The following FAF1 variants were observed in gnomAD, a reference collection of about 807,000 sequenced individuals.
FAF1 encodes the protein FAS-associated factor 1.
FAF1 carries 25 observed loss-of-function variants against 92.5 expected under a neutral mutation model. The ratio of observed to expected loss-of-function variants is 0.27; its 90% confidence interval spans 0.20 to 0.38. The LOEUF is 0.38. Among genes scored for constraint, FAF1 ranks in the 10% least tolerant of loss-of-function variants. The pLI is 1.00. For synonymous variants in FAF1, 234 were observed against 273.2 expected (o/e 0.86, Z 1.42); for missense variants, 636 against 793.3 (o/e 0.80, Z 2.38).
intron 1 of FAF1, among the ~76,000 whole-genome samples, chr1:50,908,429 T>C (rs578163856): frequency 2.5e-4 from 38 of 152,204 alleles, no homozygotes; most frequent in Non-Finnish European, 4.3e-4. Context: ...GATATTCTTG[T>C]TAACTTTCTG....
chr1:50,645,528 T>G (rs1654537822), intron 8 of FAF1, among the ~76,000 whole-genome samples: 1 of 152,136 alleles, frequency 6.6e-6, no homozygotes, highest in Non-Finnish European at 1.5e-5. Flanking sequence ...CACAGTACAT[T>G]AAGAAATCAA....
chr1:50,949,756 A>G (rs983287066), intron 1 of FAF1, among the ~76,000 whole-genome samples: 1 of 152,160 alleles, frequency 6.6e-6, no homozygotes, highest in Non-Finnish European at 1.5e-5. Flanking sequence ...CTGAATTACA[A>G]TTGATTGTCC....
In FAF1 at chr1:50,826,878, G is replaced by A. The variant is rs573706629; in HGVS notation, c.115-25201C>T. Among the ~76,000 whole-genome samples the A allele has an allele frequency of 1.5e-4, 23 of 152,120 alleles. No individual in the cohort carries two copies. In the South Asian group the frequency reaches 2.1e-3, roughly 14 times the overall value. On this transcript the variant is annotated intron_variant, in intron 2 of 18. Coordinates refer to ENST00000396153, the MANE Select transcript of FAF1 (RefSeq NM_007051.3). ...TTCTCACAAAAAAATTCCAGACACC[G>A]TCTGGGAAGTGAGGAGCGCCTCTGC...
At chr1:50,687,806 C>G (rs1312957304) in intron 7 of FAF1, among the ~76,000 whole-genome samples, 1 of 151,590 alleles carries the variant, frequency 6.6e-6, no homozygotes, top group South Asian at 2.1e-4. Flanking sequence ...AAGCCAGAAC[C>G]ACGATCAGAT....
chr1:50,787,495 G>A (rs748859727), intron 4 of FAF1, among the ~76,000 whole-genome samples: 6 of 152,166 alleles, frequency 3.9e-5, no homozygotes, highest in Non-Finnish European at 7.3e-5. Flanking sequence ...CAGCATCAAC[G>A]TGCCATATTG....
rs376551626 is a variant in FAF1, at chr1:50,442,244, C to T, written c.1870-721G>A. 9.2e-5 allele frequency among the ~76,000 whole-genome samples: 14 copies of T among 152,056 alleles called. No homozygotes were observed. In the East Asian group the frequency reaches 2.3e-3, roughly 25 times the overall value. ...GGGACATGAAGGTCTTCTGAATCTG[C>T]GAGTGAGAGAAGAAACAAAACTTTC... On this transcript the variant is annotated intron_variant, in intron 18 of 18. Transcript: ENST00000396153.
At chr1:50,571,581 A>G (rs535637439) in intron 12 of FAF1, among the ~76,000 whole-genome samples, 1 of 152,364 alleles carries the variant, frequency 6.6e-6, no homozygotes, top group East Asian at 1.9e-4. Flanking sequence ...AAATGTATTA[A>G]AGATTAAGCA....
intron 17 of FAF1, among the ~76,000 whole-genome samples, chr1:50,479,668 T>C (rs1392838504): frequency 6.6e-6 from 1 of 152,226 alleles, no homozygotes; most frequent in Non-Finnish European, 1.5e-5. Context: ...GATGCTACAT[T>C]ATTGTCTGAA....
In FAF1 at chr1:50,487,742, A is replaced by G. The variant is rs1193996455; in HGVS notation, c.1653+2846T>C. ...ACTTCTTTTTTCTAAAGGATCTTAG[A>G]ATATTGAAGATAATCAAAACAATAA... On this transcript the variant is annotated intron_variant, in intron 17 of 18. Transcript: ENST00000396153. Among the ~76,000 whole-genome samples, 7 of 152,226 alleles carry G rather than the reference A, an allele frequency of 4.6e-5. No homozygotes were observed. The East Asian group carries it at 1.3e-3, about 29-fold the overall frequency.
At chr1:50,643,072 C>T (rs547579317) in intron 8 of FAF1, among the ~76,000 whole-genome samples, 5 of 152,230 alleles carry the variant, frequency 3.3e-5, no homozygotes, top group South Asian at 4.2e-4. Flanking sequence ...TCAGGTGATC[C>T]GCCCGCCTCG....
intron 15 of FAF1, among the ~76,000 whole-genome samples, chr1:50,498,311 A>AT (rs1455837733): frequency 6.6e-6 from 1 of 152,212 alleles, no homozygotes; most frequent in African/African-American, 2.4e-5. Flanking sequence ...ACATTCTTAG[A>AT]TAAAAACATA....
intron 1 of FAF1, among the ~76,000 whole-genome samples, chr1:50,894,317 A>AC (rs1340852783): frequency 2.1e-5 from 3 of 144,508 alleles, no homozygotes; most frequent in African/African-American, 8.5e-5. Context: ...AAAAAAAAAA[A>AC]AAAAAAAAAA....
chr1:50,491,642 G>A, intron 16 of FAF1, 79 bp downstream of exon 16: 1 of 965,694 alleles, frequency 1.0e-6, no homozygotes, highest in Non-Finnish European at 1.6e-6. Flanking sequence ...AGTATTTTTA[G>A]GGATCAAAGT....
chr1:50,807,718 T>C (rs1477222625), intron 2 of FAF1, among the ~76,000 whole-genome samples: 1 of 151,994 alleles, frequency 6.6e-6, no homozygotes, highest in East Asian at 1.9e-4. Context: ...AGACAAAAAT[T>C]AAAAAAAGAG....
intron 1 of FAF1, among the ~76,000 whole-genome samples, chr1:50,937,304 C>T (rs1237691615): frequency 6.6e-6 from 1 of 151,970 alleles, no homozygotes; most frequent in African/African-American, 2.4e-5. Context: ...CATTGACAGA[C>T]AAGCACATCC....
rs549306438 is a variant in FAF1 at position 50,522,818 on chromosome 1, T to C, written c.1494+12551A>G. 3.7e-4 allele frequency among the ~76,000 whole-genome samples: 57 copies of C among 152,346 alleles called. 2 individuals are homozygous for C. In the South Asian group the frequency reaches 0.011, roughly 30 times the overall value. On this transcript the variant is annotated intron_variant, in intron 15 of 18. Coordinates refer to ENST00000396153, the MANE Select transcript of FAF1 (RefSeq NM_007051.3). ...AAGTATACAATTTAGTGGCATTAAG[T>C]ACAATCATAATGTTGTGAAACTATC...
chr1:50,552,071 G>A (rs569445858), intron 13 of FAF1, among the ~76,000 whole-genome samples: 3 of 152,196 alleles, frequency 2.0e-5, no homozygotes, highest in Admixed American at 2.0e-4. Context: ...AAGGCGGGCG[G>A]ATCACCTGAG....
At chr1:50,869,305 C>T (rs1199708669) in intron 1 of FAF1, among the ~76,000 whole-genome samples, 2 of 152,122 alleles carry the variant, frequency 1.3e-5, no homozygotes, top group African/African-American at 4.8e-5. Flanking sequence ...TTTTTATCCA[C>T]TACAACAACA....
chr1:50,820,481 ATG>A (rs369174099), intron 2 of FAF1, among the ~76,000 whole-genome samples: 3 of 152,072 alleles, frequency 2.0e-5, no homozygotes, highest in Non-Finnish European at 4.4e-5. Flanking sequence ...TTTTGTGTGC[ATG>A]TGTGTGTGTG....
Sources: gnomAD v4.1 joint callset for allele counts (sites outside exome capture counted in the v4.1 genomes callset) on GRCh38, gnomAD v4.1.1 for gene constraint, MANE v1.5 for transcripts, NCBI Gene and HGNC (gene_info 2026-07-23, HGNC 2026-07-21) for gene names.